The following NCOR1 variants were observed in gnomAD, a reference collection of about 807,000 sequenced individuals.
NCOR1 encodes the protein protein phosphatase 1, regulatory subunit 109.
NCOR1 carries 63 observed loss-of-function variants against 288.1 expected under a neutral mutation model. That is an observed-to-expected ratio of 0.22 (90% CI 0.18 to 0.27). NCOR1 has a LOEUF of 0.27. Ranked by LOEUF, NCOR1 falls within the 10% of genes least tolerant of loss-of-function variation. The pLI is 1.00. For missense variants in NCOR1, 2,397 were observed against 3,019.2 expected, an observed-to-expected ratio of 0.79 and a Z score of 4.83; for synonymous variants, 1,007 against 1,065.9, an observed-to-expected ratio of 0.94 and a Z score of 1.08.
chr17:16,100,045 C>T (rs1218648362), intron 20 of NCOR1, among the ~76,000 whole-genome samples: 4 of 151,884 alleles, frequency 2.6e-5, no homozygotes. Flanking sequence ...ATTTAGCTAT[C>T]TGTTGAGTAG....
chr17:16,064,748 A>G, intron 34 of NCOR1, 122 bp downstream of exon 34: 5 of 955,912 alleles, frequency 5.2e-6, no homozygotes, highest in Non-Finnish European at 7.5e-6. Flanking sequence ...CTACTATTAA[A>G]TGTTAAAAGA....
intron 19 of NCOR1, among the ~76,000 whole-genome samples, chr17:16,104,862 T>C (rs1037974354): frequency 6.6e-6 from 1 of 152,052 alleles, no homozygotes; most frequent in Non-Finnish European, 1.5e-5. Context: ...GGAGGTATTA[T>C]AGAAAAAAGT....
intron 40 of NCOR1, among the ~76,000 whole-genome samples, chr17:16,054,602 GA>G (rs901008428): frequency 6.6e-6 from 1 of 150,828 alleles, no homozygotes; most frequent in African/African-American, 2.4e-5. Context: ...AGAAGCATAT[GA>G]AAAAAAAAGC....
At chr17:16,159,413 C>CAAAAAA (rs35243097) in intron 5 of NCOR1, among the ~76,000 whole-genome samples, 18 of 66,310 alleles carry the variant, frequency 2.7e-4, no homozygotes, top group Admixed American at 7.1e-4. Context: ...AACTCTATCT[C>CAAAAAA]AAAAAAAAAA....
intron 2 of NCOR1, among the ~76,000 whole-genome samples, chr17:16,189,615 C>T (rs178815): frequency 0.53 from 80,663 of 151,838 alleles, 21,818 homozygotes; most frequent in Middle Eastern, 0.61. Flanking sequence ...TATCCACAGG[C>T]AAGAGACAGG....
At chr17:16,056,894 A>G (rs1158277616) in intron 40 of NCOR1, 2 of 150,548 alleles carry the variant, frequency 1.3e-5, no homozygotes, top group Admixed American at 1.3e-4. Context: ...GTATCTATAC[A>G]TACATATATA....
At position 16,186,630 on chromosome 17, in the gene NCOR1, G is replaced by T; in HGVS notation, c.166C>A (p.Leu56Ile). 1 of 1,614,104 alleles carries T rather than the reference G, an allele frequency of 6.2e-7. No homozygotes were observed. The highest frequency in any genetic ancestry group is 8.5e-7 in the Non-Finnish European group (1 of 1,179,986). ...SHLEVSQASQLLQQQQQQQLR... is the reference protein window; with the variant it reads ...SHLEVSQASQILQQQQQQQLR... ...TGTTGCTGCTGCTGTTGCTGCAAAAGCTGTGATGCCTGACTCACTTCAAGA... is the reference window on the plus strand; with the variant it reads ...TGTTGCTGCTGCTGTTGCTGCAAAATCTGTGATGCCTGACTCACTTCAAGA... Residue 56 changes from leucine to isoleucine, a missense_variant, in exon 3 of 46, where the codon CTT (leucine) becomes ATT (isoleucine). Physicochemically the swap from Leu to Ile is conservative, Grantham distance 5. This residue lies in a region of NCOR1 where 55 missense variants were observed against 69.6 expected (regional missense o/e 0.79). Coordinates refer to ENST00000268712, the MANE Select transcript of NCOR1 (RefSeq NM_006311.4).
At chr17:16,184,733 A>AAT (rs2086244979) in intron 3 of NCOR1, among the ~76,000 whole-genome samples, 1 of 152,174 alleles carries the variant, frequency 6.6e-6, no homozygotes, top group Non-Finnish European at 1.5e-5. Flanking sequence ...AAGGGAAATG[A>AAT]AATCACCATC....
intron 20 of NCOR1, 68 bp from the exon 21 acceptor site, chr17:16,098,564 A>T (rs1031667233): frequency 2.2e-6 from 3 of 1,374,194 alleles, no homozygotes; most frequent in Admixed American, 2.1e-5. Flanking sequence ...AATCACTATA[A>T]GTTCTTCTAA....
intron 16 of NCOR1, 131 bp downstream of exon 16, chr17:16,120,921 A>G: frequency 1.2e-6 from 1 of 832,482 alleles, no homozygotes. Context: ...TAAAGTTTAA[A>G]AAATTTAAAG....
chr17:16,041,465 G>C lies in NCOR1; in HGVS notation c.6680-971C>G, dbSNP rs552255623. Among the ~76,000 whole-genome samples, 26 of 142,974 alleles carry C rather than the reference G, an allele frequency of 1.8e-4. No homozygotes were observed. The South Asian group carries it at 5.2e-3, about 28-fold the overall frequency. 93.8% of individuals were successfully genotyped at this position (142,974 alleles called of 152,430 possible). On this transcript the variant is annotated intron_variant, in intron 42 of 45. Coordinates refer to ENST00000268712, the MANE Select transcript of NCOR1 (RefSeq NM_006311.4). Reference sequence around the variant, plus strand: ...TTTTATTCTTGTCACCCAGGCTGGAGTGCAATGGCGTGATCTAGGCTCACT... The same window carrying C: ...TTTTATTCTTGTCACCCAGGCTGGACTGCAATGGCGTGATCTAGGCTCACT...
intron 16 of NCOR1, 87 bp from the exon 17 acceptor site, chr17:16,119,572 C>A: frequency 1.1e-6 from 1 of 903,460 alleles, no homozygotes; most frequent in South Asian, 1.8e-5. Flanking sequence ...ATCTCTTTAT[C>A]TGACATAAAA....
intron 3 of NCOR1, among the ~76,000 whole-genome samples, chr17:16,178,190 C>CAA (rs199645449): frequency 6.7e-6 from 1 of 148,354 alleles, no homozygotes; most frequent in Non-Finnish European, 1.5e-5. Context: ...GCAAAAAGAG[C>CAA]AAAACTCTGT....
chr17:16,120,931 G>A, intron 16 of NCOR1, 121 bp downstream of exon 16: 1 of 895,506 alleles, frequency 1.1e-6, no homozygotes, highest in Non-Finnish European at 1.6e-6. Flanking sequence ...AAAATTTAAA[G>A]ACCACACTTC....
intron 3 of NCOR1, among the ~76,000 whole-genome samples, chr17:16,178,897 G>C (rs1012496938): frequency 6.6e-6 from 1 of 152,146 alleles, no homozygotes; most frequent in African/African-American, 2.4e-5. Flanking sequence ...CTGAGGTCAG[G>C]AGTTTGAGAC....
chr17:16,111,035 C>T (rs923610668), intron 18 of NCOR1, among the ~76,000 whole-genome samples: 18 of 152,114 alleles, frequency 1.2e-4, no homozygotes, highest in Non-Finnish European at 2.4e-4. Flanking sequence ...AACATCTGGC[C>T]TCAAGCAATC....
chr17:16,034,689 A>G, intron 45 of NCOR1, 76 bp downstream of exon 45: 2 of 1,316,494 alleles, frequency 1.5e-6, no homozygotes, highest in Non-Finnish European at 2.1e-6. Context: ...AGAGTTGCTG[A>G]ATTTTGAAGA....
At chr17:16,073,714 A>C in intron 27 of NCOR1, 145 bp from the exon 28 acceptor site, 1 of 669,492 alleles carries the variant, frequency 1.5e-6, no homozygotes, top group Non-Finnish European at 2.2e-6. Context: ...TAGATGATTC[A>C]TGAAAATATT....
intron 8 of NCOR1, among the ~76,000 whole-genome samples, chr17:16,149,800 A>G (rs1350400731): frequency 6.6e-6 from 1 of 152,198 alleles, no homozygotes; most frequent in Non-Finnish European, 1.5e-5. Flanking sequence ...TCAAATTAAA[A>G]TTACAGTTAC....
Sources: allele counts gnomAD v4.1 joint callset (sites outside exome capture counted in the v4.1 genomes callset), GRCh38; gene constraint gnomAD v4.1.1; regional missense constraint gnomAD v4.1.1; transcripts MANE v1.5; gene names NCBI Gene and HGNC (gene_info 2026-07-23, HGNC 2026-07-21).